The following FRMPD1 variants were observed in gnomAD, a reference collection of about 807,000 sequenced individuals.
The protein encoded by FRMPD1 is FERM and PDZ domain containing 1, also known as FERM and PDZ domain-containing protein 1.
A neutral mutation model predicts 117.8 loss-of-function variants in FRMPD1; 76 were observed. The observed-to-expected ratio is 0.65, with a 90% CI of 0.54 to 0.78. The LOEUF is 0.78. Among genes scored for constraint, FRMPD1 ranks in the 30% least tolerant of loss-of-function variants. The pLI, the probability that FRMPD1 is intolerant of heterozygous loss-of-function variation, is 0.00. For synonymous variants in FRMPD1, 783 were observed against 770.4 expected (o/e 1.02, Z -0.27); for missense variants, 1,786 against 1,964.5 (o/e 0.91, Z 1.72).
At chr9:37,731,248 T>C in intron 9 of FRMPD1, 145 bp downstream of exon 9, 2 of 718,734 alleles carry the variant, frequency 2.8e-6, no homozygotes, top group Non-Finnish European at 4.8e-6. Flanking sequence ...TGATCATCGC[T>C]CAGAATTCCC....
chr9:37,636,355 A>C, the FRMPD1 span, among the ~76,000 whole-genome samples: 1 of 152,188 alleles, frequency 6.6e-6, no homozygotes, highest in East Asian at 1.9e-4. Flanking sequence ...AACCCAGTGC[A>C]GCACACATGG....
intron 2 of FRMPD1, among the ~76,000 whole-genome samples, chr9:37,702,544 C>T (rs889616416): frequency 2.0e-5 from 3 of 152,212 alleles, no homozygotes; most frequent in Non-Finnish European, 4.4e-5. Flanking sequence ...CTTGGCCTCA[C>T]ACTTTCTGCA....
At chr9:37,715,019 T>C (rs1007732390) in intron 5 of FRMPD1, among the ~76,000 whole-genome samples, 10 of 152,186 alleles carry the variant, frequency 6.6e-5, no homozygotes, top group Admixed American at 5.9e-4. Flanking sequence ...ATTGTTGTCG[T>C]GGTAGATTCT....
intron 14 of FRMPD1, 31 bp downstream of exon 14, chr9:37,737,274 C>T: frequency 6.2e-7 from 1 of 1,611,346 alleles, no homozygotes; most frequent in African/African-American, 1.3e-5. Flanking sequence ...CCAATAAGGA[C>T]AGGCCCCTTT....
chr9:37,697,406 A>C lies in FRMPD1; in HGVS notation c.101+4664A>C, dbSNP rs553384026. Among the ~76,000 whole-genome samples the C allele has an allele frequency of 1.8e-3, 271 of 152,126 alleles. 1 individual carries two copies. The highest frequency in any genetic ancestry group is 6.2e-3 in the African/African-American group (256 of 41,512). The stretch of plus-strand genomic sequence containing the variant: ...GTGAAATCCCGTCTCTGCTAAAAAA[A>C]AAACAAAAAAATTAGCCGGGCGTGG... On this transcript the variant is annotated intron_variant, in intron 2 of 15. Coordinates refer to ENST00000377765, the MANE Select transcript of FRMPD1 (RefSeq NM_014907.3).
chr9:37,726,420 G>C (rs115911872), intron 7 of FRMPD1, among the ~76,000 whole-genome samples: 2 of 152,034 alleles, frequency 1.3e-5, no homozygotes, highest in Non-Finnish European at 2.9e-5. Context: ...CCCAGGGGCC[G>C]GGTGCAGTGG....
chr9:37,737,380 A>C (rs905254431), intron 14 of FRMPD1, 137 bp downstream of exon 14: 28 of 670,036 alleles, frequency 4.2e-5, no homozygotes, highest in Admixed American at 2.1e-4. Context: ...TTCTCTGTTT[A>C]TTTCCTAGTA....
chr9:37,673,760 C>A (rs751700815), intron 1 of FRMPD1, among the ~76,000 whole-genome samples: 15 of 152,268 alleles, frequency 9.9e-5, no homozygotes, highest in Non-Finnish European at 2.1e-4. Context: ...TGGAAGCTGG[C>A]AAGGTTTGGG....
intron 15 of FRMPD1, among the ~76,000 whole-genome samples, chr9:37,744,082 C>T (rs113054583): frequency 0.11 from 16,391 of 151,704 alleles, 1,167 homozygotes; most frequent in Non-Finnish European, 0.16. Context: ...TCAGCTACTC[C>T]GGGGGGATGA....
At chr9:37,616,117 CTTTTTTTTTTTTT>C in the FRMPD1 span, among the ~76,000 whole-genome samples, 1 of 96,770 alleles carries the variant, frequency 1.0e-5, no homozygotes, top group African/African-American at 4.1e-5. Context: ...GTGCCCAGCC[CTTTTTTTTTTTTT>C]TTTTTTTTGA....
In FRMPD1 at chr9:37,744,417, C is replaced by T. The variant is rs760367564; in HGVS notation, c.2385C>T (p.Pro795=). ...CCAGAGATGTTTCTACTGCAGAACC[C>T]AGTGCCACAAGCTTGCAGAATAAGG... ...SGPRDVSTAE[P]SATSLQNKAS... Residue 795 remains proline, a synonymous_variant, in exon 16 of 16, where the codon CCC becomes CCT. Coordinates refer to ENST00000377765, the MANE Select transcript of FRMPD1 (RefSeq NM_014907.3). The T allele has an allele frequency of 2.5e-6, 4 of 1,610,020 alleles. No homozygotes were observed. The highest frequency in any genetic ancestry group is 3.4e-6 in the Non-Finnish European group (4 of 1,177,934).
chr9:37,667,027 G>C lies in FRMPD1; in HGVS notation c.-5+15933G>C, dbSNP rs139412833. Among the ~76,000 whole-genome samples the C allele has an allele frequency of 2.5e-3, 368 of 148,006 alleles. 1 individual carries two copies. The highest frequency in any genetic ancestry group is 9.0e-3 in the African/African-American group (356 of 39,632). ...AGTATTCCTCTCTTATGGTGTTCTGGGGAGACATGGGAAAAGAGAGACAAT... is the reference window on the plus strand; with the variant it reads ...AGTATTCCTCTCTTATGGTGTTCTGCGGAGACATGGGAAAAGAGAGACAAT... On this transcript the variant is annotated intron_variant, in intron 1 of 15. Transcript: ENST00000377765.
Position 37,745,238 on chromosome 9 carries a change from C to G in FRMPD1, c.3206C>G (p.Pro1069Arg). 6.2e-7 allele frequency: 1 copy of G among 1,612,838 alleles called. No individual in the cohort carries two copies. The highest frequency in any genetic ancestry group is 8.5e-7 in the Non-Finnish European group (1 of 1,178,822). ...ACAAATCATATACAAGAAACTGCCC[C>G]CAAATACACAGAGCCTTTGTTGTCT... The part of the protein sequence containing the change: ...FCTNHIQETA[P>R]KYTEPLLSPR... The change falls in exon 16 of 16, where the codon CCC becomes CGC. Residue 1069 changes from proline to arginine, a missense_variant. Coordinates refer to ENST00000377765, the MANE Select transcript of FRMPD1 (RefSeq NM_014907.3).
chr9:37,746,101 G>T lies in FRMPD1; in HGVS notation c.4069G>T (p.Asp1357Tyr). The T allele has an allele frequency of 6.2e-7, 1 of 1,614,194 alleles. No homozygotes were observed. Among genetic ancestry groups the T allele is most frequent in the Non-Finnish European group, 8.5e-7 (1 of 1,180,034 alleles). ...PQPETEEEDR[D>Y]LEAHPMAPLT... is the part of the protein sequence containing the mutation. ...GCCTGAGACAGAGGAAGAAGACAGGGACTTGGAAGCACACCCCATGGCCCC... is the reference window on the plus strand; with the variant it reads ...GCCTGAGACAGAGGAAGAAGACAGGTACTTGGAAGCACACCCCATGGCCCC... The change falls in exon 16 of 16, where the codon GAC becomes TAC. Residue 1357 changes from aspartate (D) to tyrosine (Y), a missense_variant. Asp to Tyr is a radical substitution (Grantham distance 160, BLOSUM62 -3). Transcript: ENST00000377765.
chr9:37,626,628 A>G, the FRMPD1 span, among the ~76,000 whole-genome samples: 26 of 135,876 alleles, frequency 1.9e-4, 1 homozygote, highest in Middle Eastern at 3.6e-3. Flanking sequence ...ATCTGAAAAA[A>G]AAAAAAAAAA....
chr9:37,712,131 C>G (rs373625815), intron 5 of FRMPD1, among the ~76,000 whole-genome samples: 2 of 152,154 alleles, frequency 1.3e-5, no homozygotes, highest in East Asian at 1.9e-4. Context: ...GACCACATAC[C>G]AGGCTACCAA....
At chr9:37,713,488 G>T (rs753900251) in intron 5 of FRMPD1, among the ~76,000 whole-genome samples, 23 of 151,906 alleles carry the variant, frequency 1.5e-4, no homozygotes, top group Non-Finnish European at 3.1e-4. Context: ...GCTGGCAGGG[G>T]CTTAGGTGAG....
At chr9:37,686,683 A>G (rs1216257849) in intron 1 of FRMPD1, among the ~76,000 whole-genome samples, 1 of 152,188 alleles carries the variant, frequency 6.6e-6, no homozygotes, top group Non-Finnish European at 1.5e-5. Context: ...AATTAGAACC[A>G]TGTATGTTTA....
the FRMPD1 span, among the ~76,000 whole-genome samples, chr9:37,610,769 G>T: frequency 0.014 from 2,133 of 151,410 alleles, 43 homozygotes; most frequent in African/African-American, 0.05. Flanking sequence ...TAATTGTGTG[G>T]TTTTTTTTCT....
Sources: gnomAD v4.1 joint callset for allele counts (sites outside exome capture counted in the v4.1 genomes callset) on GRCh38, gnomAD v4.1.1 for gene constraint, MANE v1.5 for transcripts, NCBI Gene and HGNC (gene_info 2026-07-23, HGNC 2026-07-21) for gene names.